Variants in USP45 observed in about 807,000 individuals in gnomAD.
The protein encoded by USP45 is ubiquitin specific peptidase 45, also known as ubiquitin carboxyl-terminal hydrolase 45.
A neutral mutation model predicts 95.8 loss-of-function variants in USP45; 89 were observed. The observed-to-expected ratio is 0.93, with a 90% CI of 0.78 to 1.11. USP45 has a LOEUF of 1.11. Ranked by LOEUF, USP45 falls within the 50% of genes least tolerant of loss-of-function variation. USP45 has a pLI of 0.00. For missense variants in USP45, 898 were observed against 942.5 expected (o/e 0.95, Z 0.62); for synonymous variants, 281 against 316.2 (o/e 0.89, Z 1.18).
chr6:99,477,502 G>A (rs1178575021), intron 8 of USP45, among the ~76,000 whole-genome samples: 1 of 151,944 alleles, frequency 6.6e-6, no homozygotes, highest in Non-Finnish European at 1.5e-5. Context: ...TAGTAGAGGT[G>A]GGGTTTCTCC....
rs1483431272 is a variant in USP45, at chr6:99,443,608, G to A, written c.2030C>T (p.Ala677Val). 1 of 1,609,280 alleles carries A rather than the reference G, an allele frequency of 6.2e-7. No homozygotes were observed. Among genetic ancestry groups the A allele is most frequent in the South Asian group, 1.1e-5 (1 of 89,910 alleles). ...TNARKQLLIS[A>V]VPAVLILHLK... ...GTGGAGAATTAGGACAGCTGGAACA[G>A]CAGAAATGAGCAATTGCTTCCTGGC... Residue 677 changes from alanine to valine, a missense_variant, in exon 15 of 18, where the codon GCT becomes GTT. By Grantham distance (64) the Ala-to-Val change is moderately conservative (BLOSUM62 0). Transcript: ENST00000500704.
chr6:99,503,851 T>C lies in USP45; in HGVS notation c.392A>G (p.Asp131Gly). The C allele has an allele frequency of 6.3e-7, 1 of 1,589,510 alleles. No individual in the cohort carries two copies. The change falls in exon 5 of 18, where the codon GAT becomes GGT. Residue 131 changes from aspartate (D) to glycine (G), a missense_variant. Physicochemically the swap from Asp to Gly is moderately conservative, Grantham distance 94. Coordinates refer to ENST00000500704, the MANE Select transcript of USP45 (RefSeq NM_001346022.3). ...STWIIWCYEC[D>G]EKLSTHCNKK... ...ATTACAATGCGTTGATAATTTTTCA[T>C]CACATTCATAACACCTGAAAAAGTA...
rs779763605 is a variant in USP45 at position 99,465,088 on chromosome 6, C to T, written c.1156G>A (p.Glu386Lys). ...PFIDISLPIIEERVSKPLLWG... is the reference protein window; with the variant it reads ...PFIDISLPIIKERVSKPLLWG... ...AGTTTTCTTCTCCTTACCCTTTCTT[C>T]TATTATAGGAAGTGAAATATCAATG... Residue 386 changes from glutamate (E) to lysine (K), a missense_variant, in exon 12 of 18, where the codon GAA becomes AAA. Transcript: ENST00000500704. The T allele has an allele frequency of 1.3e-6, 2 of 1,595,296 alleles. No homozygotes were observed. Among genetic ancestry groups the T allele is most frequent in the South Asian group, 2.3e-5 (2 of 87,406 alleles).
At chr6:99,505,525 G>A (rs1033731196) in intron 4 of USP45, among the ~76,000 whole-genome samples, 2 of 151,644 alleles carry the variant, frequency 1.3e-5, no homozygotes, top group African/African-American at 2.4e-5. Flanking sequence ...AATTAGCAGG[G>A]CGTGGTGGCG....
chr6:99,477,608 C>A (rs144627325), intron 8 of USP45, among the ~76,000 whole-genome samples: 1,908 of 152,296 alleles, frequency 0.013, 83 homozygotes, highest in Admixed American at 0.081. Context: ...CCATCACGCC[C>A]GGCCAAGTGC....
chr6:99,505,674 A>G (rs1798367840), intron 4 of USP45, among the ~76,000 whole-genome samples: 2 of 150,830 alleles, frequency 1.3e-5, no homozygotes, highest in Non-Finnish European at 2.9e-5. Context: ...AATGCATTAC[A>G]CCAATGCTAC....
chr6:99,450,986 C>G (rs552077220), intron 13 of USP45, among the ~76,000 whole-genome samples: 2 of 152,268 alleles, frequency 1.3e-5, no homozygotes, highest in South Asian at 2.1e-4. Context: ...ATTCAACAGC[C>G]CTTAATGCTA....
intron 5 of USP45, among the ~76,000 whole-genome samples, chr6:99,493,533 T>C (rs1795655002): frequency 1.3e-5 from 2 of 152,184 alleles, no homozygotes; most frequent in Non-Finnish European, 2.9e-5. Context: ...GTTTTGCTCT[T>C]GTCGCCCAGG....
chr6:99,438,394 A>G (rs1443872247), intron 16 of USP45, among the ~76,000 whole-genome samples: 4 of 152,206 alleles, frequency 2.6e-5, no homozygotes, highest in Admixed American at 2.0e-4. Flanking sequence ...GGTTACCTAT[A>G]AGGGGAAGGA....
intron 9 of USP45, among the ~76,000 whole-genome samples, chr6:99,474,441 G>A (rs1250763061): frequency 1.3e-5 from 2 of 152,016 alleles, no homozygotes; most frequent in Non-Finnish European, 2.9e-5. Context: ...CAAGTGATCC[G>A]CCCACCTTGG....
chr6:99,454,055 C>T (rs1282411675), intron 13 of USP45, among the ~76,000 whole-genome samples: 2 of 152,174 alleles, frequency 1.3e-5, no homozygotes, highest in Admixed American at 1.3e-4. Flanking sequence ...GGAAGCCTCA[C>T]ACTACCTGAC....
chr6:99,437,478 T>C, intron 16 of USP45, 79 bp from the exon 17 acceptor site: 1 of 1,340,718 alleles, frequency 7.5e-7, no homozygotes, highest in Non-Finnish European at 1.0e-6. Context: ...AATGTATATC[T>C]GCTTAACATA....
At chr6:99,481,240 T>C (rs1792334153) in intron 8 of USP45, among the ~76,000 whole-genome samples, 1 of 152,186 alleles carries the variant, frequency 6.6e-6, no homozygotes, top group Non-Finnish European at 1.5e-5. Flanking sequence ...CATGGAAAGA[T>C]GTATAAAATA....
At chr6:99,478,046 G>A (rs1323271275) in intron 8 of USP45, among the ~76,000 whole-genome samples, 1 of 152,096 alleles carries the variant, frequency 6.6e-6, no homozygotes, top group African/African-American at 2.4e-5. Flanking sequence ...CCAAGTGGTA[G>A]GTAGGAGGAG....
At chr6:99,495,757 GT>G (rs745390298) in intron 5 of USP45, among the ~76,000 whole-genome samples, 68 of 152,156 alleles carry the variant, frequency 4.5e-4, no homozygotes, top group Non-Finnish European at 8.2e-4. Context: ...TGCTGCACAT[GT>G]TTTGTGTTTG....
intron 15 of USP45, among the ~76,000 whole-genome samples, chr6:99,442,234 A>G (rs939172951): frequency 6.6e-6 from 1 of 152,350 alleles, no homozygotes; most frequent in South Asian, 2.1e-4. Flanking sequence ...GCAATCTGGC[A>G]TTATCCTCTC....
intron 5 of USP45, 110 bp from the exon 6 acceptor site, chr6:99,488,930 A>C (rs1022918660): frequency 2.4e-6 from 2 of 833,736 alleles, no homozygotes; most frequent in African/African-American, 1.8e-5. Flanking sequence ...TATCTCCCTG[A>C]ATCAGTGTTC....
At position 99,437,342 on chromosome 6, in the gene USP45, C is replaced by T; in HGVS notation, c.2218G>A (p.Gly740Ser). The change falls in exon 17 of 18, where the codon GGC becomes AGC. Residue 740 changes from glycine (G) to serine (S), a missense_variant. By Grantham distance (56) the Gly-to-Ser change is moderately conservative (BLOSUM62 0). Transcript: ENST00000500704. The stretch of plus-strand genomic sequence containing the variant: ...GTGTAGTGGCCTTCTCTCATCGAGC[C>T]ACTATGTTCCACTATGCCATAGAGA... ...YGLYGIVEHS[G>S]SMREGHYTAY... 6.2e-7 allele frequency: 1 copy of T among 1,613,844 alleles called. No homozygotes were observed. The highest frequency in any genetic ancestry group is 8.5e-7 in the Non-Finnish European group (1 of 1,179,936).
chr6:99,508,492 C>A, intron 3 of USP45, 118 bp downstream of exon 3: 1 of 1,047,540 alleles, frequency 9.5e-7, no homozygotes, highest in Non-Finnish European at 1.3e-6. Flanking sequence ...TGGAAAATTT[C>A]TATCTAAATT....
Sources: allele counts gnomAD v4.1 joint callset (sites outside exome capture counted in the v4.1 genomes callset), GRCh38; gene constraint gnomAD v4.1.1; transcripts MANE v1.5; gene names NCBI Gene and HGNC (gene_info 2026-07-23, HGNC 2026-07-21).